The following EYA3 variants were observed in gnomAD, a reference collection of about 807,000 sequenced individuals.
EYA3 encodes EYA transcriptional coactivator and phosphatase 3, also known as protein phosphatase EYA3.
Under a neutral mutation model 80.0 loss-of-function variants are expected in EYA3, and 39 were observed. That is an observed-to-expected ratio of 0.49 (90% confidence interval 0.38 to 0.64). The LOEUF (loss-of-function observed/expected upper bound fraction) is 0.64, where lower values mean the gene tolerates loss of function less well. Among genes scored for constraint, EYA3 ranks in the 30% least tolerant of loss-of-function variants. The pLI, the probability that EYA3 is intolerant of heterozygous loss-of-function variation, is 0.00. For synonymous variants in EYA3, 206 were observed against 232.8 expected, an observed-to-expected ratio of 0.88 and a Z score of 1.05; for missense variants, 523 against 676.1, an observed-to-expected ratio of 0.77 and a Z score of 2.51.
At position 27,974,258 on chromosome 1, in the gene EYA3, A is replaced by T; in HGVS notation, c.*208T>A. 1 of 401,966 alleles carries T rather than the reference A, an allele frequency of 2.5e-6. No individual in the cohort carries two copies. Among genetic ancestry groups the T allele is most frequent in the South Asian group, 3.7e-5 (1 of 27,392 alleles). 24.9% of individuals were successfully genotyped at this position (401,966 alleles called of 1,614,324 possible). On this transcript the variant is annotated 3_prime_UTR_variant, in exon 18 of 18. Transcript: ENST00000373871. ...TCTCGCCAGCATTCCATGGATAAAG[A>T]CAGAGAGAGAGAGAGAGAGAGAGGC... is the stretch of plus-strand genomic sequence containing the variant.
Position 28,010,933 on chromosome 1 carries a change from G to C in EYA3, c.909+14C>G, listed in dbSNP as rs375338002. On this transcript the variant is annotated intron_variant, in intron 10 of 17. Transcript: ENST00000373871. ...AAGAACAAAGTAGGTAACTAAATCA[G>C]TTTCTTCTCATACTTCTAATTCACT... 1.4e-5 allele frequency: 22 copies of C among 1,606,700 alleles called. No homozygotes were observed. The Admixed American group carries it at 2.9e-4, about 21-fold the overall frequency.
chr1:28,043,969 T>A (rs1643910046), intron 3 of EYA3, among the ~76,000 whole-genome samples: 1 of 152,204 alleles, frequency 6.6e-6, no homozygotes, highest in Non-Finnish European at 1.5e-5. Flanking sequence ...AAACACCTCA[T>A]TTTCTATTTG....
intron 1 of EYA3, among the ~76,000 whole-genome samples, chr1:28,061,405 T>G (rs1644618945): frequency 6.6e-6 from 1 of 152,206 alleles, no homozygotes; most frequent in African/African-American, 2.4e-5. Flanking sequence ...AAAACTTTTA[T>G]TAAGACTTCA....
At chr1:28,042,844 C>T (rs1408497491) in intron 3 of EYA3, among the ~76,000 whole-genome samples, 194 bp from the exon 4 acceptor site, 4 of 151,720 alleles carry the variant, frequency 2.6e-5, no homozygotes, top group South Asian at 2.1e-4. Flanking sequence ...AGCATTCTAC[C>T]GCTCTTTCTT....
At chr1:28,029,902 TC>T (rs775593505) in intron 6 of EYA3, among the ~76,000 whole-genome samples, 1 of 152,084 alleles carries the variant, frequency 6.6e-6, no homozygotes, top group Non-Finnish European at 1.5e-5. Context: ...GCCCCAAAAA[TC>T]TTAATGCCTG....
chr1:28,071,801 G>T (rs1319507998), intron 1 of EYA3, among the ~76,000 whole-genome samples: 3 of 152,112 alleles, frequency 2.0e-5, no homozygotes, highest in Non-Finnish European at 4.4e-5. Flanking sequence ...TGTTGAATAT[G>T]CCATTTAACT....
chr1:28,066,673 G>C (rs1349864144), intron 1 of EYA3, among the ~76,000 whole-genome samples: 1 of 151,496 alleles, frequency 6.6e-6, no homozygotes, highest in East Asian at 1.9e-4. Context: ...GCATAAACAA[G>C]AATTTGACAA....
chr1:28,029,515 T>C (rs1332699672), intron 6 of EYA3, among the ~76,000 whole-genome samples: 2 of 152,180 alleles, frequency 1.3e-5, no homozygotes, highest in Non-Finnish European at 2.9e-5. Context: ...GGATATTCTT[T>C]ATGAGTGAAA....
intron 2 of EYA3, among the ~76,000 whole-genome samples, chr1:28,056,231 A>G (rs1644432636): frequency 2.0e-5 from 3 of 152,142 alleles, no homozygotes; most frequent in Non-Finnish European, 4.4e-5. Context: ...CTAAATCATA[A>G]ATCAACCCAG....
At chr1:27,983,969 C>A (rs1639482453) in intron 16 of EYA3, among the ~76,000 whole-genome samples, 1 of 152,090 alleles carries the variant, frequency 6.6e-6, no homozygotes. Flanking sequence ...TTCATAGATT[C>A]TGTATTCTAA....
At chr1:27,986,847 C>T (rs144513835) in intron 16 of EYA3, among the ~76,000 whole-genome samples, 20 of 152,250 alleles carry the variant, frequency 1.3e-4, no homozygotes, top group South Asian at 6.2e-4. Context: ...GGACTGCAGG[C>T]GAGTGCCACC....
At chr1:28,042,154 G>T (rs916280319) in intron 4 of EYA3, among the ~76,000 whole-genome samples, 1 of 152,094 alleles carries the variant, frequency 6.6e-6, no homozygotes, top group African/African-American at 2.4e-5. Flanking sequence ...CTAAAGGTCT[G>T]AGAACCACCA....
At chr1:28,074,014 A>G (rs928533791) in intron 1 of EYA3, among the ~76,000 whole-genome samples, 2 of 152,190 alleles carry the variant, frequency 1.3e-5, no homozygotes, top group African/African-American at 4.8e-5. Context: ...TAAATAGTTT[A>G]TTTATTAGTA....
chr1:27,997,351 C>A lies in EYA3; in HGVS notation c.1111G>T (p.Val371Leu), dbSNP rs758086633. The change falls in exon 13 of 18, where the codon GTG becomes TTG. Residue 371 changes from valine to leucine, a missense_variant. Val to Leu is a conservative substitution (Grantham distance 32). Around this residue, in one of 2 missense-constraint regions of EYA3, gnomAD observed 219 missense variants for 332.8 expected, o/e 0.66. Transcript: ENST00000373871. ...TCTTGGCCATTGTCATCAGAAGCCA[C>A]ATCTTCCACATGTACCTGGTCACAC... Reference protein sequence around the residue: ...EECDQVHVEDVASDDNGQDLS... With the variant: ...EECDQVHVEDLASDDNGQDLS... 6.2e-6 allele frequency: 10 copies of A among 1,614,164 alleles called. No homozygotes were observed. The highest frequency in any genetic ancestry group is 7.6e-6 in the Non-Finnish European group (9 of 1,180,010).
At chr1:27,997,432 C>T (rs1571748649) in intron 12 of EYA3, 54 bp from the exon 13 acceptor site, 1 of 1,416,850 alleles carries the variant, frequency 7.1e-7, no homozygotes, top group Non-Finnish European at 1.0e-6. Flanking sequence ...GTGATATTAC[C>T]ATCATGACAT....
chr1:28,019,156 T>C (rs865937225), intron 7 of EYA3, among the ~76,000 whole-genome samples: 1 of 151,956 alleles, frequency 6.6e-6, no homozygotes, highest in African/African-American at 2.4e-5. Flanking sequence ...ACAGAGTGAC[T>C]CAGTCTCAAA....
chr1:27,972,491 C>G lies in EYA3; in HGVS notation c.*1975G>C, dbSNP rs926018274. ...TCTGAAGGAATGTGTATACCAGCCTCTCTCTCTTGCTATCTGGGTGGCCTG... is the reference window on the plus strand; with the variant it reads ...TCTGAAGGAATGTGTATACCAGCCTGTCTCTCTTGCTATCTGGGTGGCCTG... On this transcript the variant is annotated 3_prime_UTR_variant, in exon 18 of 18. Coordinates refer to ENST00000373871, the MANE Select transcript of EYA3 (RefSeq NM_001990.4). The G allele has an allele frequency of 3.9e-5, 6 of 152,244 alleles. No individual in the cohort carries two copies. Among genetic ancestry groups the G allele is most frequent in the Non-Finnish European group, 5.9e-5 (4 of 68,052 alleles). 9.4% of individuals were successfully genotyped at this position (152,244 alleles called of 1,614,324 possible).
intron 16 of EYA3, 108 bp downstream of exon 16, chr1:27,988,427 G>A: frequency 8.3e-7 from 1 of 1,203,456 alleles, no homozygotes; most frequent in Non-Finnish European, 1.2e-6. Context: ...AGGACTGTAG[G>A]TATTACAAAT....
rs994187387 is a variant in EYA3, at chr1:27,970,790, A to C, written c.*3676T>G. 1 of 152,284 alleles carries C rather than the reference A, an allele frequency of 6.6e-6. No individual in the cohort carries two copies. The highest frequency in any genetic ancestry group is 2.4e-5 in the African/African-American group (1 of 41,468). 9.4% of individuals were successfully genotyped at this position (152,284 alleles called of 1,614,324 possible). A position where few individuals can be genotyped will look rare whatever the true frequency, so the allele number is the denominator to read the frequency against. ...AGTGGTAAGAAATAGAAGCCTGCTT[A>C]AGAGGGACCCTAACTGCCTCCTTGA... On this transcript the variant is annotated 3_prime_UTR_variant, in exon 18 of 18. Transcript: ENST00000373871.
Sources: allele counts gnomAD v4.1 joint callset (sites outside exome capture counted in the v4.1 genomes callset), GRCh38; gene constraint gnomAD v4.1.1; regional missense constraint gnomAD v4.1.1; transcripts MANE v1.5; gene names NCBI Gene and HGNC (gene_info 2026-07-23, HGNC 2026-07-21).